RNF150: variants seen among roughly 807,000 people sequenced by gnomAD.
RNF150 encodes ring finger protein 150.
In RNF150, 24 loss-of-function variants were observed where a neutral mutation model predicts 39.3. The observed-to-expected ratio is 0.61, with a 90% CI of 0.44 to 0.86. RNF150 has a LOEUF of 0.86. Among genes scored for constraint, RNF150 ranks in the 40% least tolerant of loss-of-function variants. The pLI is 0.00. For synonymous variants in RNF150, 255 were observed against 227.3 expected (o/e 1.12, Z -1.10); for missense variants, 502 against 587.8 (o/e 0.85, Z 1.51).
chr4:140,883,679 G>A (rs1173724119), intron 6 of RNF150, among the ~76,000 whole-genome samples: 1 of 152,120 alleles, frequency 6.6e-6, no homozygotes, highest in East Asian at 1.9e-4. Context: ...TGTGTGATAA[G>A]CTAATTTTTT....
chr4:140,892,904 A>T lies in RNF150; in HGVS notation c.1198+18240T>A, dbSNP rs80227423. Among the ~76,000 whole-genome samples the T allele has an allele frequency of 1.1e-3, 171 of 151,874 alleles. 1 individual carries two copies. Among genetic ancestry groups the T allele is most frequent in the African/African-American group, 3.6e-3 (148 of 41,400 alleles). ...AGTGAGACCCCATCTCTTAAAAAAA[A>T]AATAAGCTAAAAGATTAGCTGAGTG... is the stretch of plus-strand genomic sequence containing the variant. On this transcript the variant is annotated intron_variant, in intron 6 of 6. Transcript: ENST00000515673.
At chr4:140,992,653 T>C (rs1734236027) in intron 1 of RNF150, among the ~76,000 whole-genome samples, 1 of 152,118 alleles carries the variant, frequency 6.6e-6, no homozygotes, top group Non-Finnish European at 1.5e-5. Context: ...CAAGGCTTTC[T>C]AACCCTGGCC....
chr4:141,108,507 A>G (rs568427264), intron 1 of RNF150, among the ~76,000 whole-genome samples: 120 of 152,332 alleles, frequency 7.9e-4, no homozygotes, highest in African/African-American at 2.7e-3. Flanking sequence ...GAGTCCCACA[A>G]ACTTACAACA....
intron 1 of RNF150, among the ~76,000 whole-genome samples, chr4:141,146,337 T>C (rs1727200085): frequency 1.3e-5 from 2 of 152,214 alleles, no homozygotes; most frequent in South Asian, 4.1e-4. Context: ...TTTTATCCTA[T>C]CTTCCAGTAA....
intron 2 of RNF150, among the ~76,000 whole-genome samples, chr4:140,962,571 T>C (rs1276879767): frequency 1.3e-5 from 2 of 151,956 alleles, no homozygotes; most frequent in Non-Finnish European, 2.9e-5. Flanking sequence ...CATCTCATTT[T>C]CATTGCCTTG....
chr4:140,895,320 C>T (rs1729901370), intron 6 of RNF150, among the ~76,000 whole-genome samples: 1 of 152,074 alleles, frequency 6.6e-6, no homozygotes, highest in African/African-American at 2.4e-5. Context: ...AATATTTAGG[C>T]ACTGAGACAG....
intron 1 of RNF150, among the ~76,000 whole-genome samples, chr4:140,972,829 C>A (rs911289510): frequency 1.3e-5 from 2 of 152,034 alleles, no homozygotes; most frequent in Non-Finnish European, 2.9e-5. Flanking sequence ...AAGGAAATTT[C>A]TTTAATGTGA....
intron 1 of RNF150, among the ~76,000 whole-genome samples, chr4:141,131,470 G>C (rs935677651): frequency 6.6e-6 from 1 of 152,132 alleles, no homozygotes; most frequent in Non-Finnish European, 1.5e-5. Context: ...GGCTTTTTTG[G>C]GGGGAGGGTG....
At chr4:140,973,647 T>C (rs1313171489) in intron 1 of RNF150, among the ~76,000 whole-genome samples, 2 of 151,486 alleles carry the variant, frequency 1.3e-5, no homozygotes, top group Non-Finnish European at 2.9e-5. Flanking sequence ...GAGGCTGAGG[T>C]GGGCGGATCA....
At chr4:141,026,249 G>A (rs1051242929) in intron 1 of RNF150, among the ~76,000 whole-genome samples, 3 of 152,134 alleles carry the variant, frequency 2.0e-5, no homozygotes, top group East Asian at 1.9e-4. Flanking sequence ...GGAATCCCCA[G>A]AATGAATAGA....
chr4:141,056,399 AAT>A (rs1258775007), intron 1 of RNF150, among the ~76,000 whole-genome samples: 1 of 152,086 alleles, frequency 6.6e-6, no homozygotes. Flanking sequence ...CTATTTTTAC[AAT>A]TAACATAAAT....
chr4:141,196,123 G>C (rs2111209046), intron 1 of RNF150, among the ~76,000 whole-genome samples: 1 of 152,268 alleles, frequency 6.6e-6, no homozygotes, highest in Non-Finnish European at 1.5e-5. Context: ...TTGTCTGGTT[G>C]GATGGGGCTC....
intron 1 of RNF150, among the ~76,000 whole-genome samples, chr4:141,074,943 C>A (rs1188480613): frequency 6.6e-6 from 1 of 152,210 alleles, no homozygotes; most frequent in African/African-American, 2.4e-5. Context: ...CAGCACATTA[C>A]ATATTCTATT....
intron 1 of RNF150, among the ~76,000 whole-genome samples, chr4:141,206,869 A>G (rs936976597): frequency 3.3e-5 from 5 of 152,218 alleles, no homozygotes; most frequent in South Asian, 4.2e-4. Context: ...GGAAGCCAGT[A>G]GTGCAGCCTT....
intron 1 of RNF150, among the ~76,000 whole-genome samples, chr4:141,195,508 C>T (rs1336694719): frequency 1.3e-5 from 2 of 152,190 alleles, no homozygotes; most frequent in Non-Finnish European, 2.9e-5. Flanking sequence ...TTGATCTCAG[C>T]TCTCTGGCTT....
chr4:141,066,017 T>C (rs1737441676), intron 1 of RNF150, among the ~76,000 whole-genome samples: 1 of 152,154 alleles, frequency 6.6e-6, no homozygotes, highest in East Asian at 1.9e-4. Flanking sequence ...GCATGGGTGG[T>C]TCACATCCCC....
chr4:141,133,044 C>A lies in RNF150; in HGVS notation c.-236G>T, dbSNP rs1162463917. On this transcript the variant is annotated 5_prime_UTR_variant, in exon 1 of 7. Transcript: ENST00000515673. ...CGGTGGTTGCATTTTGCTTCTTGGG[C>A]GCCCGGGGGGCGCGGGAACAGAGGG... 3 of 435,210 alleles carry A rather than the reference C, an allele frequency of 6.9e-6. No individual in the cohort carries two copies. Among genetic ancestry groups the A allele is most frequent in the African/African-American group, 6.4e-5 (3 of 46,710 alleles). 27.0% of individuals were successfully genotyped at this position (435,210 alleles called of 1,614,324 possible). A position where few individuals can be genotyped will look rare whatever the true frequency, so the allele number is the denominator to read the frequency against.
chr4:141,186,910 TG>T (rs1728023152), intron 1 of RNF150, among the ~76,000 whole-genome samples: 1 of 151,936 alleles, frequency 6.6e-6, no homozygotes, highest in South Asian at 2.1e-4. Context: ...TGCATTTCTT[TG>T]CTCTTGCTTC....
At chr4:141,038,084 A>C (rs980143929) in intron 1 of RNF150, among the ~76,000 whole-genome samples, 3 of 152,204 alleles carry the variant, frequency 2.0e-5, no homozygotes, top group African/African-American at 2.4e-5. Flanking sequence ...GAAATCTGGG[A>C]TATCAGGTTA....
Sources: allele counts gnomAD v4.1 joint callset (sites outside exome capture counted in the v4.1 genomes callset), GRCh38; gene constraint gnomAD v4.1.1; transcripts MANE v1.5; gene names NCBI Gene and HGNC (gene_info 2026-07-23, HGNC 2026-07-21).